The following ESRRG variants were observed in gnomAD, a reference collection of about 807,000 sequenced individuals.
The protein encoded by ESRRG is estrogen related receptor gamma, also known as estrogen-related receptor gamma.
Under a neutral mutation model 44.0 loss-of-function variants are expected in ESRRG, and 13 were observed. The observed-to-expected ratio is 0.30, with a 90% CI of 0.19 to 0.47. The LOEUF (loss-of-function observed/expected upper bound fraction) is 0.47, where lower values mean the gene tolerates loss of function less well. Ranked by LOEUF, ESRRG falls within the 20% of genes least tolerant of loss-of-function variation. The pLI, the probability that ESRRG is intolerant of heterozygous loss-of-function variation, is 1.00. For missense variants in ESRRG, 395 were observed against 580.6 expected (o/e 0.68, Z 3.29); for synonymous variants, 215 against 214.6 (o/e 1.00, Z -0.02).
At chr1:216,984,708 C>T (rs2074578000) in intron 1 of ESRRG, among the ~76,000 whole-genome samples, 2 of 152,152 alleles carry the variant, frequency 1.3e-5, no homozygotes, top group East Asian at 3.9e-4. Flanking sequence ...CCTTAGTGAG[C>T]CCACAGGAGA....
intron 1 of ESRRG, among the ~76,000 whole-genome samples, chr1:217,124,119 C>A (rs893588621): frequency 6.6e-6 from 1 of 152,110 alleles, no homozygotes; most frequent in African/African-American, 2.4e-5. Context: ...TACCTCTGAG[C>A]CTAAGATGTA....
At chr1:216,915,963 G>A (rs904440395) in intron 2 of ESRRG, among the ~76,000 whole-genome samples, 7 of 152,144 alleles carry the variant, frequency 4.6e-5, no homozygotes, top group South Asian at 2.1e-4. Flanking sequence ...CGGGAGGGAG[G>A]AAGATGGCTA....
At chr1:216,679,860 C>T (rs896367824) in intron 1 of ESRRG, among the ~76,000 whole-genome samples, 2 of 152,038 alleles carry the variant, frequency 1.3e-5, no homozygotes, top group African/African-American at 4.8e-5. Flanking sequence ...CAGTTATTTG[C>T]TAAGCCATCA....
chr1:217,063,563 T>C (rs943432616), intron 1 of ESRRG, among the ~76,000 whole-genome samples: 1 of 152,110 alleles, frequency 6.6e-6, no homozygotes, highest in Admixed American at 6.5e-5. Flanking sequence ...TAAACTGGGA[T>C]AGTGAGTTAA....
intron 5 of ESRRG, among the ~76,000 whole-genome samples, chr1:216,549,136 A>G (rs2055471722): frequency 6.6e-6 from 1 of 152,152 alleles, no homozygotes; most frequent in African/African-American, 2.4e-5. Context: ...TGTTCTTCAC[A>G]TGCTATTTAG....
At chr1:216,862,582 C>T (rs1007664394) in intron 2 of ESRRG, 2 of 152,044 alleles carry the variant, frequency 1.3e-5, no homozygotes, top group Non-Finnish European at 1.5e-5. Context: ...ACTACTGATT[C>T]AACAACATGG....
chr1:216,576,271 A>G (rs1205791748), intron 3 of ESRRG, among the ~76,000 whole-genome samples: 1 of 151,986 alleles, frequency 6.6e-6, no homozygotes, highest in Non-Finnish European at 1.5e-5. Context: ...TGGAAACATT[A>G]TAAGGTCTGA....
intron 1 of ESRRG, among the ~76,000 whole-genome samples, chr1:217,003,629 A>G (rs2077358665): frequency 6.7e-6 from 1 of 149,252 alleles, no homozygotes; most frequent in Admixed American, 6.7e-5. Flanking sequence ...AAGGCCTAAT[A>G]TTGAGCTAAC....
At position 216,826,721 on chromosome 1, in the gene ESRRG, A is replaced by G. The variant is rs560422488; in HGVS notation, c.-14+112861T>C. Among the ~76,000 whole-genome samples, 18 of 152,300 alleles carry G rather than the reference A, an allele frequency of 1.2e-4. No individual in the cohort carries two copies. The South Asian group carries it at 3.7e-3, about 32-fold the overall frequency. On this transcript the variant is annotated intron_variant, in intron 2 of 7. Transcript: ENST00000359162. The stretch of plus-strand genomic sequence containing the variant: ...GTCCAAAAGTCTTTGTCTTAATTTT[A>G]GGCCATACTACACAAATTCCATTTT...
intron 1 of ESRRG, among the ~76,000 whole-genome samples, chr1:217,016,642 A>G (rs2079427277): frequency 6.6e-6 from 1 of 152,160 alleles, no homozygotes; most frequent in Non-Finnish European, 1.5e-5. Context: ...GTAGTCACAT[A>G]CTTATAAATG....
In ESRRG at chr1:217,070,744, C is replaced by T. The variant is rs1269212778; in HGVS notation, c.-106+18763G>A. The stretch of plus-strand genomic sequence containing the variant: ...CATTGTTTGTCCTCACATAAATGTA[C>T]CTATACTTCTCTCCATGCCTCTTTC... On this transcript the variant is annotated intron_variant, in intron 1 of 7. Transcript: ENST00000359162. Among the ~76,000 whole-genome samples, 7 of 152,210 alleles carry T rather than the reference C, an allele frequency of 4.6e-5. No individual in the cohort carries two copies. In the East Asian group the frequency reaches 1.3e-3, roughly 29 times the overall value.
At chr1:217,103,625 T>TC (rs1003672627) in intron 1 of ESRRG, among the ~76,000 whole-genome samples, 13 of 151,696 alleles carry the variant, frequency 8.6e-5, no homozygotes, top group Non-Finnish European at 1.8e-4. Context: ...GCCACTGTAT[T>TC]CCAGCCTTGG....
upstream of ESRRG, among the ~76,000 whole-genome samples, chr1:216,726,645 A>G (rs920987109): frequency 2.6e-5 from 4 of 152,216 alleles, no homozygotes; most frequent in Non-Finnish European, 5.9e-5. Context: ...GAAAAACTGA[A>G]CCAAACAAAA....
At chr1:216,818,226 G>T (rs540663610) in intron 2 of ESRRG, among the ~76,000 whole-genome samples, 7 of 152,268 alleles carry the variant, frequency 4.6e-5, no homozygotes, top group East Asian at 1.9e-4. Flanking sequence ...ATGAAGTGAC[G>T]TTTTTTGTCA....
intron 3 of ESRRG, among the ~76,000 whole-genome samples, chr1:216,638,421 T>C (rs1016260339): frequency 2.0e-5 from 3 of 152,164 alleles, no homozygotes; most frequent in African/African-American, 7.2e-5. Context: ...TGGGGGCTAC[T>C]TAATTTAATT....
intron 1 of ESRRG, among the ~76,000 whole-genome samples, chr1:217,066,847 CCTAA>C (rs1247359491): frequency 1.3e-5 from 2 of 152,162 alleles, no homozygotes; most frequent in South Asian, 2.1e-4. Context: ...CAAAATTGCC[CCTAA>C]CTGAGAACCA....
intron 3 of ESRRG, among the ~76,000 whole-genome samples, chr1:216,588,845 A>C (rs1454759836): frequency 1.3e-5 from 2 of 152,166 alleles, no homozygotes; most frequent in Admixed American, 1.3e-4. Flanking sequence ...CACCCCCAAA[A>C]CAAGCGCTTT....
Position 216,972,849 on chromosome 1 carries a change from AG to A in ESRRG, c.-105-33177del, listed in dbSNP as rs1364337281. On this transcript the variant is annotated intron_variant, in intron 1 of 7. Transcript: ENST00000359162. The stretch of plus-strand genomic sequence containing the variant: ...AAAGTACAGTGCAGGTGCGTGTAAA[AG>A]TTTGTGTTGTTCTGGTTGATATTAA... 3.9e-5 allele frequency among the ~76,000 whole-genome samples: 6 copies of A among 152,290 alleles called. No individual in the cohort carries two copies. The South Asian group carries it at 1.2e-3, about 32-fold the overall frequency.
intron 3 of ESRRG, among the ~76,000 whole-genome samples, chr1:216,577,617 T>A (rs1353362622): frequency 1.3e-5 from 2 of 152,054 alleles, no homozygotes; most frequent in Non-Finnish European, 2.9e-5. Context: ...TTCAATGCCC[T>A]GTAAAATGAA....
Sources: gnomAD v4.1 joint callset for allele counts (sites outside exome capture counted in the v4.1 genomes callset) on GRCh38, gnomAD v4.1.1 for gene constraint, MANE v1.5 for transcripts, NCBI Gene and HGNC (gene_info 2026-07-23, HGNC 2026-07-21) for gene names.